DENND1A: variants seen among roughly 807,000 people sequenced by gnomAD.
DENND1A encodes the protein DENN domain-containing protein 1A.
Under a neutral mutation model 113.7 loss-of-function variants are expected in DENND1A, and 51 were observed. The observed-to-expected ratio is 0.45, with a 90% CI of 0.36 to 0.57. The LOEUF (loss-of-function observed/expected upper bound fraction) is 0.57, where lower values mean the gene tolerates loss of function less well. DENND1A is among the 20% of genes least tolerant of loss of function. The pLI, the probability that DENND1A is intolerant of heterozygous loss-of-function variation, is 0.00. For missense variants in DENND1A, 1,258 were observed against 1,395.9 expected (o/e 0.90, Z 1.57); for synonymous variants, 565 against 570.8 (o/e 0.99, Z 0.14).
intron 5 of DENND1A, among the ~76,000 whole-genome samples, chr9:123,696,552 G>A (rs1412986187): frequency 6.6e-6 from 1 of 152,190 alleles, no homozygotes; most frequent in African/African-American, 2.4e-5. Flanking sequence ...AAGAGTGGGA[G>A]AGAAAAAGCT....
intron 19 of DENND1A, among the ~76,000 whole-genome samples, chr9:123,432,936 A>T (rs1242274793): frequency 3.9e-5 from 6 of 152,180 alleles, no homozygotes; most frequent in Non-Finnish European, 8.8e-5. Flanking sequence ...GACACAGGTC[A>T]GTTGCCATGT....
At chr9:123,637,933 G>GCACACA (rs1185018176) in intron 9 of DENND1A, among the ~76,000 whole-genome samples, 1 of 73,980 alleles carries the variant, frequency 1.4e-5, no homozygotes, top group Admixed American at 1.7e-4. Flanking sequence ...ACACACACAC[G>GCACACA]CACACACACA....
At chr9:123,860,842 A>G (rs1246424694) in intron 2 of DENND1A, among the ~76,000 whole-genome samples, 2 of 152,208 alleles carry the variant, frequency 1.3e-5, no homozygotes, top group East Asian at 3.8e-4. Flanking sequence ...CTGGGCCATA[A>G]AAGTTGTGCA....
chr9:123,474,832 T>C (rs1564557359), intron 13 of DENND1A, among the ~76,000 whole-genome samples: 1 of 152,212 alleles, frequency 6.6e-6, no homozygotes, highest in Non-Finnish European at 1.5e-5. Context: ...TTTAATGGAA[T>C]AAAAAAAGGC....
chr9:123,398,797 T>A (rs1344045750), intron 21 of DENND1A, among the ~76,000 whole-genome samples: 2 of 107,638 alleles, frequency 1.9e-5, no homozygotes, highest in Admixed American at 2.1e-4. Flanking sequence ...CCACACAGCA[T>A]TTTTTTTTTT....
chr9:123,841,129 AG>A (rs1841768667), intron 2 of DENND1A, among the ~76,000 whole-genome samples: 1 of 152,202 alleles, frequency 6.6e-6, no homozygotes, highest in South Asian at 2.1e-4. Flanking sequence ...ATAATTACCA[AG>A]GTGATGTCAT....
At chr9:123,587,380 T>G (rs2059229587) in intron 11 of DENND1A, among the ~76,000 whole-genome samples, 1 of 152,156 alleles carries the variant, frequency 6.6e-6, no homozygotes, top group Non-Finnish European at 1.5e-5. Context: ...TAGCAAGCTA[T>G]TAATCAGCAG....
At chr9:123,842,225 G>A (rs1220780774) in intron 2 of DENND1A, among the ~76,000 whole-genome samples, 2 of 152,176 alleles carry the variant, frequency 1.3e-5, no homozygotes, top group African/African-American at 4.8e-5. Context: ...AGGGAAGGCA[G>A]CATGAAGAAA....
intron 11 of DENND1A, among the ~76,000 whole-genome samples, chr9:123,598,404 T>C (rs980780420): frequency 6.6e-6 from 1 of 150,380 alleles, no homozygotes. Context: ...GATTTACACT[T>C]TGAGGTTGGG....
At chr9:123,762,087 T>C (rs571123328) in intron 4 of DENND1A, among the ~76,000 whole-genome samples, 12 of 152,086 alleles carry the variant, frequency 7.9e-5, no homozygotes, top group Non-Finnish European at 1.8e-4. Context: ...CAACTTCTGG[T>C]TCAAAGTCCT....
intron 19 of DENND1A, among the ~76,000 whole-genome samples, chr9:123,430,792 C>T (rs1196592196): frequency 6.6e-6 from 1 of 152,208 alleles, no homozygotes; most frequent in African/African-American, 2.4e-5. Context: ...ACCTATGTAA[C>T]AAGCCCGCAC....
chr9:123,850,780 A>G (rs1280814484), intron 2 of DENND1A, among the ~76,000 whole-genome samples: 2 of 152,222 alleles, frequency 1.3e-5, no homozygotes, highest in African/African-American at 4.8e-5. Flanking sequence ...ATATAAAACA[A>G]TGACTGGTAT....
rs370204039 is a variant in DENND1A at position 123,439,187 on chromosome 9, A to G, written c.1488+1173T>C. ...GAGCAGACACCAGTGCAATTTGAAA[A>G]TACTTATTAACTAAATGAGTATCAC... On this transcript the variant is annotated intron_variant, in intron 19 of 23. Transcript: ENST00000394215. Among the ~76,000 whole-genome samples, 7 of 152,376 alleles carry G rather than the reference A, an allele frequency of 4.6e-5. No homozygotes were observed. The East Asian group carries it at 1.3e-3, about 29-fold the overall frequency.
At position 123,383,952 on chromosome 9, in the gene DENND1A, C is replaced by A. The variant is rs965855533; in HGVS notation, c.1761-39G>T. The stretch of plus-strand genomic sequence containing the variant: ...AGCAGGCTGCACTCTCCCACCCAGG[C>A]CTTCAGGGGAGGAGCAAGCGGACTC... On this transcript the variant is annotated intron_variant, in intron 22 of 23. Transcript: ENST00000394215. 3.8e-6 allele frequency: 6 copies of A among 1,582,384 alleles called. No homozygotes were observed. In the African/African-American group the frequency reaches 8.0e-5, roughly 21 times the overall value.
intron 22 of DENND1A, among the ~76,000 whole-genome samples, chr9:123,385,345 A>T (rs1488770664): frequency 6.6e-6 from 1 of 152,100 alleles, no homozygotes; most frequent in Non-Finnish European, 1.5e-5. Flanking sequence ...TTGTATTTTT[A>T]GTAGAGACGG....
chr9:123,576,993 G>C (rs1465066526), intron 12 of DENND1A, among the ~76,000 whole-genome samples: 1 of 151,822 alleles, frequency 6.6e-6, no homozygotes, highest in East Asian at 1.9e-4. Flanking sequence ...GGTTTATTGA[G>C]CTTCTTGGAG....
At chr9:123,911,923 T>G (rs2134030473) in intron 1 of DENND1A, among the ~76,000 whole-genome samples, 1 of 152,156 alleles carries the variant, frequency 6.6e-6, no homozygotes, top group East Asian at 1.9e-4. Context: ...CTCAATCTCC[T>G]GACCTCATGA....
chr9:123,627,700 A>G (rs899775806), intron 10 of DENND1A, among the ~76,000 whole-genome samples: 1 of 150,062 alleles, frequency 6.7e-6, no homozygotes, highest in African/African-American at 2.5e-5. Flanking sequence ...AGATTGTGCC[A>G]CTGCACTCCA....
At chr9:123,641,763 G>T (rs542667227) in intron 9 of DENND1A, among the ~76,000 whole-genome samples, 1 of 152,284 alleles carries the variant, frequency 6.6e-6, no homozygotes, top group Admixed American at 6.5e-5. Flanking sequence ...TTGTCTTAGA[G>T]AACTGTCTAT....
Sources: allele counts gnomAD v4.1 joint callset (sites outside exome capture counted in the v4.1 genomes callset), GRCh38; gene constraint gnomAD v4.1.1; transcripts MANE v1.5; gene names NCBI Gene and HGNC (gene_info 2026-07-23, HGNC 2026-07-21).